Variants in GAREM1 observed in about 807,000 individuals in gnomAD.
GAREM1 encodes the protein GRB2-associated and regulator of MAPK protein 1.
Under a neutral mutation model 71.3 loss-of-function variants are expected in GAREM1, and 26 were observed. That is an observed-to-expected ratio of 0.36 (90% CI 0.27 to 0.51). GAREM1 has a LOEUF of 0.51. Among genes scored for constraint, GAREM1 ranks in the 20% least tolerant of loss-of-function variants. GAREM1 has a pLI of 0.95. For missense variants in GAREM1, 1,026 were observed against 1,103.1 expected, an observed-to-expected ratio of 0.93 and a Z score of 0.99; for synonymous variants, 440 against 433.2, an observed-to-expected ratio of 1.02 and a Z score of -0.20.
At position 32,268,213 on chromosome 18, in the gene GAREM1, C is replaced by G; in HGVS notation, c.2289G>C (p.Ser763=). The G allele has an allele frequency of 6.2e-7, 1 of 1,614,090 alleles. No homozygotes were observed. The highest frequency in any genetic ancestry group is 1.7e-5 in the Admixed American group (1 of 60,008). ...EDPKSGSPDL[S]EDQYFVKKGM... Reference sequence around the variant, plus strand: ...CCTTTTTAACAAAATACTGGTCCTCCGAGAGATCTGGTGACCCAGACTTGG... The same window carrying G: ...CCTTTTTAACAAAATACTGGTCCTCGGAGAGATCTGGTGACCCAGACTTGG... The change falls in exon 6 of 6, where the codon TCG becomes TCC. Residue 763 remains serine, a synonymous_variant. Transcript: ENST00000269209.
chr18:32,279,136 TAAG>T (rs1460973605), intron 4 of GAREM1, among the ~76,000 whole-genome samples: 1 of 152,226 alleles, frequency 6.6e-6, no homozygotes, highest in Non-Finnish European at 1.5e-5. Context: ...TAAATATACT[TAAG>T]TAGTGTATAA....
chr18:32,355,968 C>A (rs1298989254), intron 2 of GAREM1, among the ~76,000 whole-genome samples: 1 of 152,178 alleles, frequency 6.6e-6, no homozygotes, highest in Non-Finnish European at 1.5e-5. Context: ...CAACCACATT[C>A]TATTGCCTAA....
intron 4 of GAREM1, among the ~76,000 whole-genome samples, chr18:32,285,432 C>A (rs1194905175): frequency 1.3e-5 from 2 of 152,330 alleles, no homozygotes; most frequent in Non-Finnish European, 2.9e-5. Context: ...CCTTCCTGCA[C>A]CCTATCCAGC....
intron 1 of GAREM1, among the ~76,000 whole-genome samples, chr18:32,396,672 A>T (rs1042047690): frequency 2.0e-5 from 3 of 152,234 alleles, no homozygotes; most frequent in African/African-American, 4.8e-5. Flanking sequence ...GACCAAATCT[A>T]CGTCTGATTG....
At chr18:32,303,421 G>A (rs2047218990) in intron 3 of GAREM1, among the ~76,000 whole-genome samples, 1 of 152,180 alleles carries the variant, frequency 6.6e-6, no homozygotes, top group South Asian at 2.1e-4. Flanking sequence ...TTGATGGCAG[G>A]AAATGCAGAC....
intron 2 of GAREM1, among the ~76,000 whole-genome samples, chr18:32,328,967 A>G (rs997678300): frequency 6.6e-6 from 1 of 152,210 alleles, no homozygotes; most frequent in African/African-American, 2.4e-5. Context: ...CACCACCAAT[A>G]CAATGACGGG....
At position 32,470,327 on chromosome 18, in the gene GAREM1, C is replaced by A. The variant is rs757324111; in HGVS notation, c.102G>T (p.Gln34His). Reference protein sequence around the residue: ...DLLVSTYRLPQIARLDNGECV... With the variant: ...DLLVSTYRLPHIARLDNGECV... ...ACTCACCGTTGTCCAGGCGCGCGATCTGGGGCAGCCGGTAAGTGCTGACCA... is the reference window on the plus strand; with the variant it reads ...ACTCACCGTTGTCCAGGCGCGCGATATGGGGCAGCCGGTAAGTGCTGACCA... The change falls in exon 1 of 6, where the codon CAG becomes CAT. Residue 34 changes from glutamine (Q) to histidine (H), a missense_variant. Physicochemically the swap from Gln to His is conservative, Grantham distance 24 (BLOSUM62 0). Around this residue, in one of 3 missense-constraint regions of GAREM1, gnomAD observed 172 missense variants for 175.2 expected, o/e 0.98. Coordinates refer to ENST00000269209, the MANE Select transcript of GAREM1 (RefSeq NM_001242409.2). The surrounding 1 kb of genome is among the most constrained non-coding windows in gnomAD (Gnocchi z 4.4). 1.9e-6 allele frequency: 3 copies of A among 1,561,312 alleles called. No homozygotes were observed. In the South Asian group the frequency reaches 3.5e-5, roughly 18 times the overall value.
chr18:32,424,248 T>C (rs974218833), intron 1 of GAREM1, among the ~76,000 whole-genome samples: 6 of 152,208 alleles, frequency 3.9e-5, no homozygotes, highest in African/African-American at 1.4e-4. Context: ...CACTGAAGTA[T>C]AAATAGAAGT....
At chr18:32,343,563 A>G (rs1163318366) in intron 2 of GAREM1, among the ~76,000 whole-genome samples, 1 of 152,086 alleles carries the variant, frequency 6.6e-6, no homozygotes, top group Admixed American at 6.5e-5. Flanking sequence ...AGCCTCCCAA[A>G]GTGCTGGAAT....
chr18:32,344,800 G>A (rs754795780), intron 2 of GAREM1, among the ~76,000 whole-genome samples: 2 of 152,146 alleles, frequency 1.3e-5, no homozygotes, highest in African/African-American at 4.8e-5. Context: ...GGTGGCTCAC[G>A]CCTATAATCC....
chr18:32,383,963 G>C (rs756977636), intron 2 of GAREM1, among the ~76,000 whole-genome samples: 9 of 152,188 alleles, frequency 5.9e-5, no homozygotes, highest in Non-Finnish European at 1.2e-4. Context: ...GAGCAATCTA[G>C]AAAAGCCACA....
At chr18:32,425,609 T>C (rs2048566712) in intron 1 of GAREM1, among the ~76,000 whole-genome samples, 1 of 152,182 alleles carries the variant, frequency 6.6e-6, no homozygotes, top group Non-Finnish European at 1.5e-5. Flanking sequence ...AATGCTAATT[T>C]TGAGGCTGAG....
chr18:32,374,269 A>T (rs2048012728), intron 2 of GAREM1, among the ~76,000 whole-genome samples: 1 of 152,240 alleles, frequency 6.6e-6, no homozygotes, highest in Non-Finnish European at 1.5e-5. Context: ...CATTGCGTTC[A>T]GTCATTACAT....
At chr18:32,302,339 C>T (rs1249028368) in intron 3 of GAREM1, among the ~76,000 whole-genome samples, 1 of 152,188 alleles carries the variant, frequency 6.6e-6, no homozygotes, top group Non-Finnish European at 1.5e-5. Flanking sequence ...ATTATAACAA[C>T]TCAAAGTCTA....
In GAREM1 at chr18:32,287,728, T is replaced by C. The variant is rs147290662; in HGVS notation, c.869A>G (p.Asn290Ser). The change falls in exon 4 of 6, where the codon AAC becomes AGC. Residue 290 changes from asparagine to serine, a missense_variant. By Grantham distance (46) the Asn-to-Ser change is conservative (BLOSUM62 1). Coordinates refer to ENST00000269209, the MANE Select transcript of GAREM1 (RefSeq NM_001242409.2). This position sits in a 1 kb window ranked among gnomAD's most constrained non-coding sequence, Gnocchi z 5.9. ...AGGAAAGTGCATGGGGAGGATCTTGTTGTTCCGCAGCACACAGCAAACCAC... is the reference window on the plus strand; with the variant it reads ...AGGAAAGTGCATGGGGAGGATCTTGCTGTTCCGCAGCACACAGCAAACCAC... ...TVVVCCVLRN[N>S]KILPMHFPLH... 1.2e-6 allele frequency: 2 copies of C among 1,613,960 alleles called. No homozygotes were observed. Among genetic ancestry groups the C allele is most frequent in the Non-Finnish European group, 1.7e-6 (2 of 1,180,020 alleles).
intron 1 of GAREM1, among the ~76,000 whole-genome samples, chr18:32,439,050 C>T (rs1216188945): frequency 6.6e-6 from 1 of 152,108 alleles, no homozygotes; most frequent in East Asian, 1.9e-4. Context: ...ACCCTCACTC[C>T]GTTGCTCTAA....
chr18:32,352,774 T>C (rs567693368), intron 2 of GAREM1, among the ~76,000 whole-genome samples: 31 of 152,198 alleles, frequency 2.0e-4, no homozygotes, highest in African/African-American at 7.2e-4. Flanking sequence ...AGAATCTCCA[T>C]GGAAGAAGGG....
At chr18:32,458,627 A>T (rs1014708511) in intron 1 of GAREM1, among the ~76,000 whole-genome samples, 9 of 151,932 alleles carry the variant, frequency 5.9e-5, no homozygotes, top group African/African-American at 2.2e-4. Flanking sequence ...ACAGGAGGAG[A>T]TTTTATTACA....
chr18:32,282,668 C>G (rs2046966983), intron 4 of GAREM1, among the ~76,000 whole-genome samples: 1 of 152,136 alleles, frequency 6.6e-6, no homozygotes, highest in Non-Finnish European at 1.5e-5. Context: ...CCTCGGCTTC[C>G]CAAAGTGCTG....
Sources: allele counts gnomAD v4.1 joint callset (sites outside exome capture counted in the v4.1 genomes callset), GRCh38; gene constraint gnomAD v4.1.1; regional missense constraint gnomAD v4.1.1; non-coding constraint Gnocchi (gnomAD v3.1); transcripts MANE v1.5; gene names NCBI Gene and HGNC (gene_info 2026-07-23, HGNC 2026-07-21).